The following CTBP1 variants were observed in gnomAD, a reference collection of about 807,000 sequenced individuals.
The protein encoded by CTBP1 is C-terminal binding protein 1, also known as C-terminal-binding protein 1.
CTBP1 carries 11 observed loss-of-function variants against 42.1 expected under a neutral mutation model. The ratio of observed to expected loss-of-function variants is 0.26; its 90% CI spans 0.16 to 0.43. The LOEUF (loss-of-function observed/expected upper bound fraction) is 0.43. Among genes scored for constraint, CTBP1 ranks in the 20% least tolerant of loss-of-function variants. The pLI is 1.00. For synonymous variants in CTBP1, 324 were observed against 277.1 expected, an observed-to-expected ratio of 1.17 and a Z score of -1.68; for missense variants, 399 against 624.3, an observed-to-expected ratio of 0.64 and a Z score of 3.85.
intron 1 of CTBP1, chr4:1,242,515 A>G: frequency 3.0e-6 from 3 of 984,222 alleles, no homozygotes; most frequent in Non-Finnish European, 3.6e-6. Context: ...ACAAATCTCC[A>G]ACCCTCAACT....
At chr4:1,244,227 A>C in intron 1 of CTBP1, 3 of 985,070 alleles carry the variant, frequency 3.0e-6, no homozygotes, top group Non-Finnish European at 3.6e-6. Context: ...CTCCGCCCCG[A>C]TCCACGTGTG....
chr4:1,216,462 C>G (rs1446136750), intron 5 of CTBP1: 15 of 586,246 alleles, frequency 2.6e-5, no homozygotes, highest in Non-Finnish European at 4.6e-5. Flanking sequence ...CACCAGCTGC[C>G]AGCCACACCA....
Position 1,227,633 on chromosome 4 carries a change from G to A in CTBP1, c.307+566C>T, listed in dbSNP as rs1046645563. 4.1e-5 allele frequency among the ~76,000 whole-genome samples: 6 copies of A among 147,310 alleles called. 1 individual carries two copies. The highest frequency in any genetic ancestry group is 2.0e-4 in the Admixed American group (3 of 14,798). On this transcript the variant is annotated intron_variant, in intron 4 of 9. Transcript: ENST00000382952. ...GGGTGCAGATGAGTGTGCAAGATCC[G>A]TGTGCTAACTGCATGTGCATGGGTG...
At chr4:1,226,358 G>T (rs1009452438) in intron 4 of CTBP1, among the ~76,000 whole-genome samples, 3 of 152,112 alleles carry the variant, frequency 2.0e-5, no homozygotes. Context: ...GGAGGAGGAG[G>T]GGGCAGGAGG....
At chr4:1,246,368 AC>A (rs1184618775) in intron 1 of CTBP1, among the ~76,000 whole-genome samples, 1 of 151,794 alleles carries the variant, frequency 6.6e-6, no homozygotes, top group Non-Finnish European at 1.5e-5. Flanking sequence ...CCTCCTGGCC[AC>A]CCCTGGGCCC....
intron 1 of CTBP1, chr4:1,243,229 T>C (rs1732367506): frequency 4.1e-6 from 4 of 985,420 alleles, no homozygotes; most frequent in Non-Finnish European, 4.8e-6. Flanking sequence ...TTATCTATAC[T>C]GGCCAGTACG....
At chr4:1,221,941 G>A in intron 5 of CTBP1, 1 of 340,888 alleles carries the variant, frequency 2.9e-6, no homozygotes, top group South Asian at 2.1e-5. Flanking sequence ...GCCTCGTAGA[G>A]CAGAGGAAGC....
At chr4:1,239,447 G>A (rs953401161) in intron 2 of CTBP1, among the ~76,000 whole-genome samples, 1 of 152,212 alleles carries the variant, frequency 6.6e-6, no homozygotes, top group African/African-American at 2.4e-5. Flanking sequence ...GGAGCAGAGT[G>A]ACCCAGCAGG....
Position 1,233,874 on chromosome 4 carries a change from TCA to T in CTBP1, c.162+4307_162+4308del, listed in dbSNP as rs545986191. 6.6e-5 allele frequency among the ~76,000 whole-genome samples: 10 copies of T among 152,262 alleles called. No homozygotes were observed. The highest frequency in any genetic ancestry group is 2.4e-4 in the African/African-American group (10 of 41,570). On this transcript the variant is annotated intron_variant, in intron 3 of 9. Coordinates refer to ENST00000382952, the MANE Select transcript of CTBP1 (RefSeq NM_001012614.2). This position sits in a 1 kb window ranked among gnomAD's most constrained non-coding sequence, Gnocchi z 4.6. ...TAACAGTGGCACACAAAGCAGGTGT[TCA>T]GTTTCCTCCCACGCCAAAGCCTGGA... is the stretch of plus-strand genomic sequence containing the variant.
upstream of CTBP1, chr4:1,249,346 C>A (rs1371706524): frequency 6.6e-6 from 1 of 150,742 alleles, no homozygotes; most frequent in Non-Finnish European, 1.5e-5. Context: ...CGCCTGTCCC[C>A]GAGGAAGTCG....
intron 1 of CTBP1, chr4:1,245,552 G>C (rs1732629090): frequency 1.0e-6 from 1 of 983,684 alleles, no homozygotes; most frequent in African/African-American, 1.7e-5. Context: ...CGGCAGGTCA[G>C]GGTGGCACAG....
intron 3 of CTBP1, chr4:1,237,598 G>GC (rs1731678584): frequency 4.6e-6 from 3 of 657,266 alleles, no homozygotes; most frequent in Non-Finnish European, 5.4e-6. Flanking sequence ...GGGGCTCAGG[G>GC]AAAACCCGGT....
At chr4:1,248,814 C>T (rs1210246149) in intron 1 of CTBP1, 102 bp downstream of exon 1, 1 of 925,238 alleles carries the variant, frequency 1.1e-6, no homozygotes, top group African/African-American at 1.8e-5. Flanking sequence ...GCCGGCGGCC[C>T]GCGGGCGCGC....
Position 1,223,538 on chromosome 4 carries a change from G to A in CTBP1, c.514+1822C>T, listed in dbSNP as rs781280801. 27 of 455,186 alleles carry A rather than the reference G, an allele frequency of 5.9e-5. 1 individual carries two copies. The highest frequency in any genetic ancestry group is 2.3e-4 in the South Asian group (15 of 64,522). The allele number at this position is 455,186 out of a possible 1,614,324, so 28.2% of individuals were successfully genotyped here. ...CTGGATGTTTGGGAAGCGGGGGGCC[G>A]GCCGGTCAAGGGGAGTCCCTGGCAT... On this transcript the variant is annotated intron_variant, in intron 5 of 9. Coordinates refer to ENST00000382952, the MANE Select transcript of CTBP1 (RefSeq NM_001012614.2).
At chr4:1,244,446 G>C in intron 1 of CTBP1, 1 of 985,006 alleles carries the variant, frequency 1.0e-6, no homozygotes, top group Non-Finnish European at 1.2e-6. Context: ...TCAGCACCTG[G>C]TCCTCATCCC....
At chr4:1,222,196 A>G (rs1174086852) in intron 5 of CTBP1, among the ~76,000 whole-genome samples, 1 of 152,118 alleles carries the variant, frequency 6.6e-6, no homozygotes, top group African/African-American at 2.4e-5. Context: ...GCTCAGGGAC[A>G]AGGGCGAGGG....
At chr4:1,248,420 T>A (rs1732980597) in intron 1 of CTBP1, among the ~76,000 whole-genome samples, 1 of 148,752 alleles carries the variant, frequency 6.7e-6, no homozygotes, top group Non-Finnish European at 1.5e-5. Context: ...GCCGGCGGCC[T>A]CCCCGCGGGA....
chr4:1,249,093 G>A lies in CTBP1; in HGVS notation c.-366C>T. On this transcript the variant is annotated 5_prime_UTR_variant, in exon 1 of 10. Coordinates refer to ENST00000382952, the MANE Select transcript of CTBP1 (RefSeq NM_001012614.2). ...CTGGCCGCCGCCGTGCCGAGTCTCC[G>A]CCGCGCCGCTGAGCCGCGCTCCGAC... 4.1e-6 allele frequency: 1 copy of A among 244,944 alleles called. No individual in the cohort carries two copies. The highest frequency in any genetic ancestry group is 6.4e-6 in the Non-Finnish European group (1 of 156,950). 15.2% of individuals were successfully genotyped at this position (244,944 alleles called of 1,614,324 possible). A position where few individuals can be genotyped will look rare whatever the true frequency, so the allele number is the denominator to read the frequency against.
At chr4:1,225,239 G>T in intron 5 of CTBP1, 121 bp downstream of exon 5, 1 of 1,204,166 alleles carries the variant, frequency 8.3e-7, no homozygotes, top group Non-Finnish European at 1.1e-6. Context: ...TCCTGTCCTG[G>T]GTTGGGACCG....
Sources: allele counts gnomAD v4.1 joint callset (sites outside exome capture counted in the v4.1 genomes callset), GRCh38; gene constraint gnomAD v4.1.1; non-coding constraint Gnocchi (gnomAD v3.1); transcripts MANE v1.5; gene names NCBI Gene and HGNC (gene_info 2026-07-23, HGNC 2026-07-21).